The following CLVS1 variants were observed in gnomAD, a reference collection of about 807,000 sequenced individuals.
The protein encoded by CLVS1 is clavesin-1.
Under a neutral mutation model 33.1 loss-of-function variants are expected in CLVS1, and 10 were observed. That is an observed-to-expected ratio of 0.30 (90% CI 0.19 to 0.51). The LOEUF (loss-of-function observed/expected upper bound fraction) is 0.51. CLVS1 is among the 20% of genes least tolerant of loss of function. CLVS1 has a pLI of 0.97. For missense variants in CLVS1, 343 were observed against 433.4 expected, an observed-to-expected ratio of 0.79 and a Z score of 1.85; for synonymous variants, 163 against 166.1, an observed-to-expected ratio of 0.98 and a Z score of 0.14.
intron 2 of CLVS1, among the ~76,000 whole-genome samples, chr8:61,180,389 C>T (rs1265946289): frequency 1.3e-5 from 2 of 152,140 alleles, no homozygotes; most frequent in East Asian, 1.9e-4. Context: ...GGTGGATTCA[C>T]AGCCAAACTC....
chr8:61,231,812 A>T (rs1808438176), intron 2 of CLVS1, among the ~76,000 whole-genome samples: 1 of 152,118 alleles, frequency 6.6e-6, no homozygotes, highest in African/African-American at 2.4e-5. Context: ...TTTGGTGTAG[A>T]CCAGTAGGGA....
chr8:61,084,604 G>C (rs780394905), intron 1 of CLVS1, among the ~76,000 whole-genome samples: 6 of 152,190 alleles, frequency 3.9e-5, no homozygotes, highest in Non-Finnish European at 8.8e-5. Flanking sequence ...ACTCTGAGAT[G>C]GGGGAAGACA....
chr8:61,259,540 A>T lies in CLVS1; in HGVS notation c.-151-40137A>T, dbSNP rs142266372. 3.0e-4 allele frequency among the ~76,000 whole-genome samples: 45 copies of T among 152,306 alleles called. No individual in the cohort carries two copies. In the East Asian group the frequency reaches 8.7e-3, roughly 29 times the overall value. On this transcript the variant is annotated intron_variant, in intron 2 of 2. Transcript: ENST00000522621. ...TGCAGTCCTGTGTAGAGTTTGATTAACTATGGCAGTAACTGCAGCCAAGGC... is the reference window on the plus strand; with the variant it reads ...TGCAGTCCTGTGTAGAGTTTGATTATCTATGGCAGTAACTGCAGCCAAGGC...
intron 2 of CLVS1, among the ~76,000 whole-genome samples, chr8:61,357,134 C>T (rs1035904031): frequency 2.3e-4 from 35 of 152,084 alleles, no homozygotes; most frequent in African/African-American, 8.5e-4. Flanking sequence ...CTTCACATCC[C>T]TTGTAAGTTG....
At chr8:61,266,423 G>A (rs1296925175) in intron 2 of CLVS1, among the ~76,000 whole-genome samples, 3 of 151,624 alleles carry the variant, frequency 2.0e-5, no homozygotes, top group African/African-American at 7.3e-5. Context: ...CTTCCCCCAG[G>A]CCAAAGAACT....
the CLVS1 span, among the ~76,000 whole-genome samples, chr8:61,023,424 C>T: frequency 6.6e-6 from 1 of 152,188 alleles, no homozygotes; most frequent in Non-Finnish European, 1.5e-5. Context: ...TAAAGAGAAA[C>T]ATTTAGAAGC....
chr8:61,408,125 C>T (rs1345381484), intron 3 of CLVS1, among the ~76,000 whole-genome samples: 1 of 152,060 alleles, frequency 6.6e-6, no homozygotes, highest in East Asian at 1.9e-4. Context: ...AGTTTACGGT[C>T]CATTGGGCGG....
chr8:61,438,177 A>AC (rs1364866149), intron 3 of CLVS1, among the ~76,000 whole-genome samples: 1 of 151,790 alleles, frequency 6.6e-6, no homozygotes, highest in African/African-American at 2.4e-5. Flanking sequence ...CTCTGCTCGC[A>AC]CCCCCAACCT....
chr8:61,383,863 T>C lies in CLVS1; in HGVS notation c.630+7084T>C, dbSNP rs189931479. ...ATTTAGGAAGCAGTCACTAAGCTGT[T>C]ACTTCCAGCCAGTCACAAAGATAAA... On this transcript the variant is annotated intron_variant, in intron 3 of 5. Coordinates refer to ENST00000325897, the MANE Select transcript of CLVS1 (RefSeq NM_173519.3). Among the ~76,000 whole-genome samples, 197 of 152,366 alleles carry C rather than the reference T, an allele frequency of 1.3e-3. 1 individual carries two copies. The highest frequency in any genetic ancestry group is 4.5e-3 in the African/African-American group (187 of 41,590).
chr8:61,190,677 A>G (rs527585205), intron 2 of CLVS1, among the ~76,000 whole-genome samples: 53 of 152,340 alleles, frequency 3.5e-4, no homozygotes, highest in Admixed American at 3.9e-4. Flanking sequence ...CACAATAAAA[A>G]ATCATAAAGG....
intron 3 of CLVS1, among the ~76,000 whole-genome samples, chr8:61,386,279 G>A (rs1339563361): frequency 6.6e-6 from 1 of 152,224 alleles, no homozygotes; most frequent in Non-Finnish European, 1.5e-5. Context: ...ATTCCCAGAT[G>A]ATGCTGTAGG....
At chr8:60,974,764 G>T in the CLVS1 span, among the ~76,000 whole-genome samples, 1 of 148,888 alleles carries the variant, frequency 6.7e-6, no homozygotes, top group Non-Finnish European at 1.5e-5. Context: ...GGGCAATAGA[G>T]CAAGACTCCA....
chr8:61,311,120 T>C (rs1361580422), intron 2 of CLVS1, among the ~76,000 whole-genome samples: 1 of 152,196 alleles, frequency 6.6e-6, no homozygotes, highest in Non-Finnish European at 1.5e-5. Context: ...CAAGATATGA[T>C]TTCTCATTCA....
chr8:61,304,833 G>A (rs914666553), intron 2 of CLVS1, among the ~76,000 whole-genome samples: 5 of 152,124 alleles, frequency 3.3e-5, no homozygotes, highest in African/African-American at 1.2e-4. Flanking sequence ...GTTAAAATTG[G>A]TCAAGTAATT....
chr8:61,333,169 G>A (rs185782990), intron 2 of CLVS1, among the ~76,000 whole-genome samples: 16 of 152,214 alleles, frequency 1.1e-4, no homozygotes, highest in African/African-American at 2.9e-4. Flanking sequence ...AAGCAAAAAC[G>A]TTCAAAAATA....
At chr8:61,046,145 C>T in the CLVS1 span, among the ~76,000 whole-genome samples, 4 of 144,980 alleles carry the variant, frequency 2.8e-5, no homozygotes, top group Non-Finnish European at 6.0e-5. Flanking sequence ...GTCTTTAATC[C>T]ATCTTGAATT....
At chr8:61,007,665 C>T in the CLVS1 span, among the ~76,000 whole-genome samples, 54 of 152,270 alleles carry the variant, frequency 3.5e-4, no homozygotes, top group African/African-American at 1.1e-3. Flanking sequence ...GCAGCCACCA[C>T]GCTACTCCCG....
rs758807314 is a variant in CLVS1, at chr8:61,299,824, G to T, written c.-4G>T. The T allele has an allele frequency of 6.2e-7, 1 of 1,601,724 alleles. No individual in the cohort carries two copies. The highest frequency in any genetic ancestry group is 8.5e-7 in the Non-Finnish European group (1 of 1,172,756). ...GGCCACAGTTTCAGCAGACCATCAG[G>T]TGAATGGGACCAGTCTCTCTTCTTC... On this transcript the variant is annotated 5_prime_UTR_variant, in exon 2 of 6. Coordinates refer to ENST00000325897, the MANE Select transcript of CLVS1 (RefSeq NM_173519.3).
intron 5 of CLVS1, among the ~76,000 whole-genome samples, chr8:61,470,262 T>G (rs1013071341): frequency 6.6e-6 from 1 of 152,218 alleles, no homozygotes; most frequent in African/African-American, 2.4e-5. Context: ...ATTTAGTTAA[T>G]AAGAGAATGA....
Sources: gnomAD v4.1 joint callset for allele counts (sites outside exome capture counted in the v4.1 genomes callset) on GRCh38, gnomAD v4.1.1 for gene constraint, MANE v1.5 for transcripts, NCBI Gene and HGNC (gene_info 2026-07-23, HGNC 2026-07-21) for gene names.